The following NSRP1 variants were observed in gnomAD, a reference collection of about 807,000 sequenced individuals.
NSRP1 encodes nuclear speckle splicing regulatory protein 1, also known as coiled-coil domain containing 55.
NSRP1 carries 24 observed loss-of-function variants against 54.7 expected under a neutral mutation model. The observed-to-expected ratio is 0.44, with a 90% CI of 0.32 to 0.62. NSRP1 has a LOEUF of 0.62. Among genes scored for constraint, NSRP1 ranks in the 20% least tolerant of loss-of-function variants. The pLI is 0.06. For synonymous variants in NSRP1, 210 were observed against 213.8 expected, an observed-to-expected ratio of 0.98 and a Z score of 0.15; for missense variants, 596 against 651.2, an observed-to-expected ratio of 0.92 and a Z score of 0.92.
At chr17:30,128,055 T>C in intron 2 of NSRP1, 1 of 380,194 alleles carries the variant, frequency 2.6e-6, no homozygotes. Context: ...CCTAGGCTGC[T>C]CTTGAACTCC....
intron 2 of NSRP1, among the ~76,000 whole-genome samples, chr17:30,130,835 TC>T (rs2071692960): frequency 6.6e-6 from 1 of 152,218 alleles, no homozygotes; most frequent in African/African-American, 2.4e-5. Flanking sequence ...TTTACTGTCA[TC>T]CATGTGCTGG....
chr17:30,129,978 A>G (rs953845879), intron 2 of NSRP1, among the ~76,000 whole-genome samples: 2 of 152,266 alleles, frequency 1.3e-5, no homozygotes, highest in African/African-American at 4.8e-5. Context: ...CATCCTTAAC[A>G]TACTGGCTAA....
At chr17:30,181,398 CTTTTTTTTTT>C (rs61484398) in intron 6 of NSRP1, among the ~76,000 whole-genome samples, 2 of 121,906 alleles carry the variant, frequency 1.6e-5, no homozygotes, top group Admixed American at 8.5e-5. Context: ...TTTCTTTTTT[CTTTTTTTTTT>C]TTTTTTTTGA....
chr17:30,119,542 G>T (rs1222338958), intron 2 of NSRP1, among the ~76,000 whole-genome samples: 1 of 151,364 alleles, frequency 6.6e-6, no homozygotes, highest in South Asian at 2.1e-4. Flanking sequence ...TCCCTCTTTC[G>T]CCCAGGCTGG....
intron 2 of NSRP1, chr17:30,127,857 AG>A: frequency 2.5e-6 from 1 of 397,526 alleles, no homozygotes; most frequent in Non-Finnish European, 4.4e-6. Flanking sequence ...TTTTTGAGAC[AG>A]GATCTTGCTC....
chr17:30,136,875 T>TA (rs1214305392), intron 2 of NSRP1, among the ~76,000 whole-genome samples: 2 of 152,192 alleles, frequency 1.3e-5, no homozygotes, highest in Non-Finnish European at 2.9e-5. Flanking sequence ...CATTTGTACA[T>TA]ACATCATATT....
At chr17:30,133,653 C>T (rs1389509950) in intron 2 of NSRP1, among the ~76,000 whole-genome samples, 1 of 152,194 alleles carries the variant, frequency 6.6e-6, no homozygotes, top group Non-Finnish European at 1.5e-5. Flanking sequence ...TCCTAGATGG[C>T]ATCTTCTTCC....
intron 4 of NSRP1, 37 bp from the exon 5 acceptor site, chr17:30,179,053 T>G: frequency 7.8e-7 from 1 of 1,276,676 alleles, no homozygotes; most frequent in Non-Finnish European, 1.0e-6. Context: ...AATTACTATT[T>G]TTTTACTCTT....
At chr17:30,152,274 C>G (rs1208947730) in intron 2 of NSRP1, among the ~76,000 whole-genome samples, 1 of 152,002 alleles carries the variant, frequency 6.6e-6, no homozygotes, top group African/African-American at 2.4e-5. Flanking sequence ...AGGCATGCAC[C>G]ACTGTGCCCA....
At chr17:30,146,482 G>A (rs2071856869) in intron 2 of NSRP1, among the ~76,000 whole-genome samples, 1 of 152,090 alleles carries the variant, frequency 6.6e-6, no homozygotes, top group Non-Finnish European at 1.5e-5. Flanking sequence ...TCCCACATTG[G>A]CCTCCCAAAG....
Position 30,134,122 on chromosome 17 carries a change from G to GGAA in NSRP1, c.114+15951_114+15953dup, listed in dbSNP as rs531814991. On this transcript the variant is annotated intron_variant, in intron 2 of 6. Coordinates refer to ENST00000247026, the MANE Select transcript of NSRP1 (RefSeq NM_032141.4). ...CAGTATTGTTGCGTCTCAAGGAATAGGAAGGCCTGAGGAGAGGGAGAGAGG... is the reference window on the plus strand; with the variant it reads ...CAGTATTGTTGCGTCTCAAGGAATAGGAAGAAGGCCTGAGGAGAGGGAGAGAGG... 1.5e-3 allele frequency among the ~76,000 whole-genome samples: 224 copies of GGAA among 152,302 alleles called. 10 individuals carry two copies. In the South Asian group the frequency reaches 0.044, roughly 30 times the overall value.
Position 30,185,584 on chromosome 17 carries a change from A to G in NSRP1, c.1587A>G (p.Glu529=), listed in dbSNP as rs1011716718. ...AVSKFAKRNN[E]ETVMSARDRY... ...GCAAGTTTGCAAAGCGGAACAATGA[A>G]GAAACTGTAATGTCAGCTAGAGACA... The change falls in exon 7 of 7, where the codon GAA becomes GAG. Residue 529 remains glutamate, a synonymous_variant. Coordinates refer to ENST00000247026, the MANE Select transcript of NSRP1 (RefSeq NM_032141.4). 12 of 1,614,190 alleles carry G rather than the reference A, an allele frequency of 7.4e-6. No homozygotes were observed. Among genetic ancestry groups the G allele is most frequent in the Non-Finnish European group, 1.0e-5 (12 of 1,180,028 alleles).
chr17:30,117,458 A>T (rs151017356), intron 1 of NSRP1: 12 of 424,614 alleles, frequency 2.8e-5, no homozygotes, highest in African/African-American at 2.0e-4. Context: ...TCCGCATCTT[A>T]AAGGCCAAAA....
intron 6 of NSRP1, among the ~76,000 whole-genome samples, chr17:30,182,924 A>G (rs1251251329): frequency 1.3e-5 from 2 of 152,144 alleles, no homozygotes; most frequent in Non-Finnish European, 2.9e-5. Flanking sequence ...ACAGTGCAAG[A>G]CTCTGTCTCA....
At chr17:30,137,180 A>G (rs1432687016) in intron 2 of NSRP1, among the ~76,000 whole-genome samples, 1 of 152,194 alleles carries the variant, frequency 6.6e-6, no homozygotes, top group African/African-American at 2.4e-5. Flanking sequence ...TGCTAGGTTC[A>G]TGGTAAATAT....
chr17:30,126,438 G>C (rs903475976), intron 2 of NSRP1, among the ~76,000 whole-genome samples: 1 of 152,004 alleles, frequency 6.6e-6, no homozygotes, highest in Non-Finnish European at 1.5e-5. Context: ...TTCCTCACTG[G>C]AAAGAATCTC....
intron 2 of NSRP1, among the ~76,000 whole-genome samples, chr17:30,131,917 A>G (rs955432503): frequency 1.3e-5 from 2 of 152,164 alleles, no homozygotes; most frequent in African/African-American, 2.4e-5. Flanking sequence ...CATTTCAACA[A>G]TGCTCACGTC....
At chr17:30,134,207 TAA>T (rs2071728087) in intron 2 of NSRP1, among the ~76,000 whole-genome samples, 1 of 152,222 alleles carries the variant, frequency 6.6e-6, no homozygotes, top group Admixed American at 6.5e-5. Context: ...ATGTATCAGT[TAA>T]GTTACCCATT....
At position 30,176,955 on chromosome 17, in the gene NSRP1, A is replaced by G. The variant is rs538589440; in HGVS notation, c.172-1116A>G. 1.1e-4 allele frequency among the ~76,000 whole-genome samples: 16 copies of G among 152,342 alleles called. No individual in the cohort carries two copies. In the South Asian group the frequency reaches 2.5e-3, roughly 24 times the overall value. ...TATATCATCCTATCACTTAAAAAGGATCCCTCTTGGGTTCTACATTAGCCA... is the reference window on the plus strand; with the variant it reads ...TATATCATCCTATCACTTAAAAAGGGTCCCTCTTGGGTTCTACATTAGCCA... On this transcript the variant is annotated intron_variant, in intron 3 of 6. Transcript: ENST00000247026.
Sources: gnomAD v4.1 joint callset for allele counts (sites outside exome capture counted in the v4.1 genomes callset) on GRCh38, gnomAD v4.1.1 for gene constraint, MANE v1.5 for transcripts, NCBI Gene and HGNC (gene_info 2026-07-23, HGNC 2026-07-21) for gene names.